AGMO: variants seen among roughly 807,000 people sequenced by gnomAD.
The protein encoded by AGMO is alkylglycerol monooxygenase, also known as glyceryl-ether monooxygenase.
In AGMO, 75 loss-of-function variants were observed where a neutral mutation model predicts 60.2. That is an observed-to-expected ratio of 1.25 (90% CI 1.03 to 1.51). The LOEUF (loss-of-function observed/expected upper bound fraction) is 1.51. Among genes scored for constraint, AGMO ranks in the 40% most tolerant of loss-of-function variants. AGMO has a pLI of 0.00. For synonymous variants in AGMO, 261 were observed against 177.1 expected (o/e 1.47, Z -3.76); for missense variants, 763 against 525.5 (o/e 1.45, Z -4.42).
chr7:15,356,099 C>A (rs1782520811), intron 12 of AGMO, among the ~76,000 whole-genome samples: 1 of 152,106 alleles, frequency 6.6e-6, no homozygotes, highest in Admixed American at 6.5e-5. Context: ...AGGAAAGGTC[C>A]ACTGATAGAA....
chr7:15,541,862 TACTA>T (rs1427826766), intron 3 of AGMO, among the ~76,000 whole-genome samples: 4 of 152,314 alleles, frequency 2.6e-5, no homozygotes, highest in African/African-American at 9.6e-5. Flanking sequence ...GCATTTAACA[TACTA>T]ACAAATGTGA....
the AGMO span, among the ~76,000 whole-genome samples, chr7:15,183,944 C>T: frequency 6.6e-6 from 1 of 152,114 alleles, no homozygotes; most frequent in Non-Finnish European, 1.5e-5. Context: ...GCACAGTTTT[C>T]TATAAAGTGA....
intron 12 of AGMO, among the ~76,000 whole-genome samples, chr7:15,332,982 A>G (rs1047117108): frequency 1.3e-5 from 2 of 152,138 alleles, no homozygotes; most frequent in Non-Finnish European, 2.9e-5. Context: ...CCCTGCCTTA[A>G]TTTGAAATCT....
intron 12 of AGMO, among the ~76,000 whole-genome samples, chr7:15,351,576 T>C (rs1782244708): frequency 6.6e-6 from 1 of 152,182 alleles, no homozygotes; most frequent in East Asian, 1.9e-4. Flanking sequence ...CATCGTATCT[T>C]GTAAAAAAGA....
chr7:15,232,020 A>G (rs1159882183), intron 12 of AGMO, among the ~76,000 whole-genome samples: 5 of 152,148 alleles, frequency 3.3e-5, no homozygotes, highest in Admixed American at 2.0e-4. Context: ...ATTTCTCCCC[A>G]AAGTCATATT....
chr7:15,203,054 C>CT (rs1044704904), intron 12 of AGMO, among the ~76,000 whole-genome samples: 1 of 152,136 alleles, frequency 6.6e-6, no homozygotes, highest in African/African-American at 2.4e-5. Context: ...GTGCTGGAAT[C>CT]TAAGCTATAT....
intron 3 of AGMO, among the ~76,000 whole-genome samples, chr7:15,506,669 A>G (rs17168802): frequency 0.035 from 5,262 of 152,168 alleles, 288 homozygotes; most frequent in African/African-American, 0.12. Flanking sequence ...AGTCTTCTTC[A>G]TCTGCATATT....
chr7:15,362,741 G>C (rs1016712474), intron 12 of AGMO, among the ~76,000 whole-genome samples: 2 of 152,158 alleles, frequency 1.3e-5, no homozygotes, highest in South Asian at 2.1e-4. Flanking sequence ...AGATAATCCA[G>C]AGGTAAATTA....
chr7:15,488,800 C>T (rs1368589908), intron 3 of AGMO, among the ~76,000 whole-genome samples: 10 of 151,366 alleles, frequency 6.6e-5, no homozygotes, highest in Non-Finnish European at 8.8e-5. Context: ...AGGGCACATT[C>T]GGTTGTTTTT....
intron 3 of AGMO, among the ~76,000 whole-genome samples, chr7:15,484,883 A>G (rs1343873943): frequency 6.6e-6 from 1 of 152,184 alleles, no homozygotes; most frequent in Non-Finnish European, 1.5e-5. Context: ...AAATAGTTTT[A>G]TGATTTCTGC....
At chr7:15,425,751 A>AT (rs2128496573) in intron 4 of AGMO, among the ~76,000 whole-genome samples, 1 of 151,996 alleles carries the variant, frequency 6.6e-6, no homozygotes, top group Non-Finnish European at 1.5e-5. Flanking sequence ...AATTGTATTT[A>AT]TTTTTTCTGA....
chr7:15,452,355 T>C (rs370446041), intron 3 of AGMO, among the ~76,000 whole-genome samples: 2 of 152,252 alleles, frequency 1.3e-5, no homozygotes, highest in East Asian at 1.9e-4. Flanking sequence ...GGTCTAGTAT[T>C]TGGAATATAT....
At chr7:15,152,779 A>G in the AGMO span, among the ~76,000 whole-genome samples, 7 of 152,070 alleles carry the variant, frequency 4.6e-5, no homozygotes, top group East Asian at 9.6e-4. Context: ...TATTTTTGCA[A>G]TTGCAAACTA....
the AGMO span, among the ~76,000 whole-genome samples, chr7:15,157,768 G>A: frequency 1.3e-5 from 2 of 152,142 alleles, no homozygotes; most frequent in African/African-American, 4.8e-5. Flanking sequence ...TTATTTCTCT[G>A]TACTTCTCAC....
chr7:15,531,884 G>T (rs1033776237), intron 3 of AGMO, among the ~76,000 whole-genome samples: 5 of 151,614 alleles, frequency 3.3e-5, no homozygotes, highest in African/African-American at 9.7e-5. Context: ...GGCCAAGCTG[G>T]TCTCGAACTC....
chr7:15,178,683 A>G, the AGMO span, among the ~76,000 whole-genome samples: 2 of 152,178 alleles, frequency 1.3e-5, no homozygotes, highest in African/African-American at 4.8e-5. Flanking sequence ...GGTGGACAAG[A>G]AGGACTGTTA....
intron 5 of AGMO, among the ~76,000 whole-genome samples, chr7:15,397,188 G>C (rs10272718): frequency 1.3e-4 from 20 of 152,158 alleles, no homozygotes; most frequent in African/African-American, 4.8e-4. Context: ...AAGCGAGAAA[G>C]AGACGGAGAC....
chr7:15,247,198 AAGATGTTTATCAATACTAATAAATGCT>A (rs1782766666), intron 12 of AGMO, among the ~76,000 whole-genome samples: 1 of 152,186 alleles, frequency 6.6e-6, no homozygotes, highest in Non-Finnish European at 1.5e-5. Flanking sequence ...ACAGTAGAGA[AAGATGTTTATCAATACTAATAAATGCT>A]AAACAGCTAT....
chr7:15,354,471 TACAC>T (rs1297020147), intron 12 of AGMO, among the ~76,000 whole-genome samples: 3 of 23,632 alleles, frequency 1.3e-4, no homozygotes, highest in Admixed American at 9.3e-4. Context: ...CGTGTGTGTA[TACAC>T]ACGTGTGTAT....
Sources: gnomAD v4.1 joint callset for allele counts (sites outside exome capture counted in the v4.1 genomes callset) on GRCh38, gnomAD v4.1.1 for gene constraint, MANE v1.5 for transcripts, NCBI Gene and HGNC (gene_info 2026-07-23, HGNC 2026-07-21) for gene names.